ARHGAP15: variants seen among roughly 807,000 people sequenced by gnomAD.
ARHGAP15 encodes the protein rho GTPase-activating protein 15.
A neutral mutation model predicts 63.7 loss-of-function variants in ARHGAP15; 51 were observed. The observed-to-expected ratio is 0.80, with a 90% confidence interval of 0.64 to 1.01. The LOEUF (loss-of-function observed/expected upper bound fraction) is 1.01, where lower values mean the gene tolerates loss of function less well. Among genes scored for constraint, ARHGAP15 ranks in the 50% least tolerant of loss-of-function variants. The probability of loss-of-function intolerance (pLI) is 0.00; values close to 1 mark genes in which losing one functional copy is unlikely to be tolerated. For synonymous variants in ARHGAP15, 191 were observed against 193.8 expected, an observed-to-expected ratio of 0.99 and a Z score of 0.12; for missense variants, 560 against 564.6, an observed-to-expected ratio of 0.99 and a Z score of 0.08.
intron 8 of ARHGAP15, among the ~76,000 whole-genome samples, chr2:143,471,236 A>G (rs566692083): frequency 5.3e-4 from 79 of 148,176 alleles, no homozygotes; most frequent in Non-Finnish European, 1.1e-3. Flanking sequence ...GTGTATGTGT[A>G]TATGTGTATA....
intron 12 of ARHGAP15, among the ~76,000 whole-genome samples, chr2:143,695,896 C>G (rs1385701971): frequency 1.3e-5 from 2 of 151,534 alleles, no homozygotes; most frequent in Non-Finnish European, 2.9e-5. Context: ...AAGACTAAGA[C>G]TTGAATACAT....
chr2:143,733,005 G>A (rs1454468245), intron 13 of ARHGAP15, among the ~76,000 whole-genome samples: 1 of 149,092 alleles, frequency 6.7e-6, no homozygotes, highest in Non-Finnish European at 1.5e-5. Context: ...GAGGGAGGCT[G>A]GGAGCCACTG....
chr2:143,300,787 G>A (rs761233610), intron 6 of ARHGAP15, among the ~76,000 whole-genome samples: 17 of 151,990 alleles, frequency 1.1e-4, no homozygotes, highest in Non-Finnish European at 2.4e-4. Flanking sequence ...AGGCAGGCTG[G>A]GAAATGGAGT....
intron 13 of ARHGAP15, among the ~76,000 whole-genome samples, chr2:143,730,092 A>G (rs1685458818): frequency 6.6e-6 from 1 of 152,228 alleles, no homozygotes; most frequent in African/African-American, 2.4e-5. Context: ...TGGCTTTCAA[A>G]GAAGATAAAG....
At chr2:143,766,515 C>G (rs1473699677) in intron 13 of ARHGAP15, 1 of 152,036 alleles carries the variant, frequency 6.6e-6, no homozygotes, top group African/African-American at 2.4e-5. Context: ...CCATAACGTG[C>G]TTCCATTCAG....
At chr2:143,193,105 C>T (rs984017462) in intron 2 of ARHGAP15, among the ~76,000 whole-genome samples, 2 of 152,006 alleles carry the variant, frequency 1.3e-5, no homozygotes, top group African/African-American at 4.8e-5. Context: ...CAGTTATAAT[C>T]GAAGGTGGAG....
intron 6 of ARHGAP15, among the ~76,000 whole-genome samples, chr2:143,413,971 G>GCGCGCGCGCGCGCGCACGCGCGCGCGCA (rs147891307): frequency 6.8e-6 from 1 of 147,640 alleles, no homozygotes; most frequent in Admixed American, 6.8e-5. Context: ...GTGTGTGCGC[G>GCGCGCGCGCGCGCGCACGCGCGCGCGCA]CTCTCTGGCA....
chr2:143,636,525 C>T (rs1310232776), intron 12 of ARHGAP15, among the ~76,000 whole-genome samples: 1 of 152,076 alleles, frequency 6.6e-6, no homozygotes, highest in African/African-American at 2.4e-5. Context: ...CGAGCTGGGC[C>T]CCCTCCGTGT....
intron 6 of ARHGAP15, among the ~76,000 whole-genome samples, chr2:143,297,594 A>C (rs1682697524): frequency 6.6e-6 from 1 of 151,990 alleles, no homozygotes; most frequent in Non-Finnish European, 1.5e-5. Context: ...TCTCTCTTAC[A>C]GGTATATCCT....
At chr2:143,731,732 CTTA>C (rs1486249304) in intron 13 of ARHGAP15, among the ~76,000 whole-genome samples, 2 of 152,168 alleles carry the variant, frequency 1.3e-5, no homozygotes, top group African/African-American at 2.4e-5. Flanking sequence ...AAAGGCTATG[CTTA>C]TTATTTTTTG....
rs372426718 is a variant in ARHGAP15, at chr2:143,488,792, G to C, written c.826+1297G>C. 5.3e-5 allele frequency among the ~76,000 whole-genome samples: 8 copies of C among 152,304 alleles called. 1 individual carries two copies. In the South Asian group the frequency reaches 1.7e-3, roughly 32 times the overall value. Reference sequence around the variant, plus strand: ...CTAGCACTTTGAACCAATTGTAGAAGGTGAAATTTCATGAAGCAAAAGCAT... The same window carrying C: ...CTAGCACTTTGAACCAATTGTAGAACGTGAAATTTCATGAAGCAAAAGCAT... On this transcript the variant is annotated intron_variant, in intron 9 of 13. Coordinates refer to ENST00000295095, the MANE Select transcript of ARHGAP15 (RefSeq NM_018460.4).
At chr2:143,315,691 C>G (rs1683670030) in intron 6 of ARHGAP15, among the ~76,000 whole-genome samples, 1 of 152,148 alleles carries the variant, frequency 6.6e-6, no homozygotes, top group Non-Finnish European at 1.5e-5. Context: ...AAGGACACCA[C>G]TAAAATCTAC....
intron 6 of ARHGAP15, among the ~76,000 whole-genome samples, chr2:143,356,465 A>G (rs1369899438): frequency 6.6e-6 from 1 of 152,112 alleles, no homozygotes; most frequent in Non-Finnish European, 1.5e-5. Flanking sequence ...CAACTTGCAC[A>G]ATTTGTATTA....
intron 11 of ARHGAP15, among the ~76,000 whole-genome samples, chr2:143,617,340 A>G (rs1698489096): frequency 6.6e-6 from 1 of 152,198 alleles, no homozygotes; most frequent in South Asian, 2.1e-4. Flanking sequence ...TTGAGCTACC[A>G]TACTAAAGTA....
intron 11 of ARHGAP15, among the ~76,000 whole-genome samples, chr2:143,610,126 T>A (rs532001073): frequency 6.6e-6 from 1 of 152,164 alleles, no homozygotes; most frequent in South Asian, 2.1e-4. Context: ...ATTTTAAGAC[T>A]GAATGGCAGG....
rs138028814 is a variant in ARHGAP15, at chr2:143,297,272, A to T, written c.474+46672A>T. 2.0e-3 allele frequency among the ~76,000 whole-genome samples: 308 copies of T among 152,100 alleles called. 1 individual carries two copies. Among genetic ancestry groups the T allele is most frequent in the African/African-American group, 7.1e-3 (296 of 41,536 alleles). ...TGGACAGGTTACAAAATTGGGAAGC[A>T]ATTGATTGTACTATGCTGAGAGATC... On this transcript the variant is annotated intron_variant, in intron 6 of 13. Transcript: ENST00000295095.
chr2:143,221,738 C>A (rs1693006108), intron 4 of ARHGAP15, among the ~76,000 whole-genome samples: 1 of 152,144 alleles, frequency 6.6e-6, no homozygotes, highest in Admixed American at 6.5e-5. Context: ...CGTATCTTAC[C>A]ACAATATAGA....
chr2:143,506,531 C>T (rs374740360), intron 9 of ARHGAP15, among the ~76,000 whole-genome samples: 1 of 152,060 alleles, frequency 6.6e-6, no homozygotes, highest in Non-Finnish European at 1.5e-5. Context: ...AAAGAACATA[C>T]AAATATGGGA....
At chr2:143,734,958 C>T (rs1180913685) in intron 13 of ARHGAP15, among the ~76,000 whole-genome samples, 1 of 152,156 alleles carries the variant, frequency 6.6e-6, no homozygotes, top group African/African-American at 2.4e-5. Flanking sequence ...CCTGAAATGT[C>T]GTGTCCTCTC....
Sources: allele counts gnomAD v4.1 joint callset (sites outside exome capture counted in the v4.1 genomes callset), GRCh38; gene constraint gnomAD v4.1.1; transcripts MANE v1.5; gene names NCBI Gene and HGNC (gene_info 2026-07-23, HGNC 2026-07-21).